DACH1: variants seen among roughly 807,000 people sequenced by gnomAD.
DACH1 encodes the protein dachshund family transcription factor 1.
In DACH1, 12 loss-of-function variants were observed where a neutral mutation model predicts 54.2. The ratio of observed to expected loss-of-function variants is 0.22; its 90% CI spans 0.14 to 0.36. The LOEUF (loss-of-function observed/expected upper bound fraction) is 0.36. Ranked by LOEUF, DACH1 falls within the 10% of genes least tolerant of loss-of-function variation. DACH1 has a pLI of 1.00. For missense variants in DACH1, 805 were observed against 929.8 expected (o/e 0.87, Z 1.75); for synonymous variants, 386 against 366.2 (o/e 1.05, Z -0.62).
chr13:71,800,878 T>TA (rs5804584), intron 1 of DACH1, among the ~76,000 whole-genome samples: 75,982 of 151,346 alleles, frequency 0.5, 20,122 homozygotes, highest in East Asian at 0.86. Flanking sequence ...TCTGCAACAA[T>TA]AAAAAAAATA....
chr13:71,489,178 C>A, intron 6 of DACH1, 30 bp from the exon 7 acceptor site: 1 of 1,601,712 alleles, frequency 6.2e-7, no homozygotes. Context: ...AAATATAGAA[C>A]AAGTTACGCT....
intron 4 of DACH1, among the ~76,000 whole-genome samples, chr13:71,569,515 T>C (rs764626294): frequency 1.3e-5 from 2 of 152,118 alleles, no homozygotes; most frequent in African/African-American, 2.4e-5. Context: ...CATTCTTAAC[T>C]CACAGGCCAT....
At chr13:71,807,737 ATAT>A in intron 1 of DACH1, among the ~76,000 whole-genome samples, 1 of 152,296 alleles carries the variant, frequency 6.6e-6, no homozygotes, top group Middle Eastern at 3.4e-3. Context: ...TACAGTAAAA[ATAT>A]TTTAAAAAAT....
At chr13:71,828,975 A>T (rs1273509239) in intron 1 of DACH1, among the ~76,000 whole-genome samples, 2 of 151,948 alleles carry the variant, frequency 1.3e-5, no homozygotes, top group Admixed American at 1.3e-4. Context: ...CTGTTATCTG[A>T]AGACCAGTAG....
intron 6 of DACH1, among the ~76,000 whole-genome samples, chr13:71,537,091 A>G (rs1198181689): frequency 6.6e-6 from 1 of 151,842 alleles, no homozygotes; most frequent in African/African-American, 2.4e-5. Flanking sequence ...TCACTTCCCT[A>G]CCTCCCTGAA....
intron 1 of DACH1, among the ~76,000 whole-genome samples, chr13:71,851,697 C>T (rs1873678385): frequency 6.6e-6 from 1 of 152,114 alleles, no homozygotes; most frequent in Non-Finnish European, 1.5e-5. Flanking sequence ...CACATTCTAA[C>T]CCCCACCCCA....
rs190901520 is a variant in DACH1 at position 71,709,002 on chromosome 13, G to C, written c.849-27092C>G. On this transcript the variant is annotated intron_variant, in intron 1 of 10. Transcript: ENST00000613252. ...CGAGTAGCTGGGACTACAGGCGCCCGCCACCATGCCCGACTAATTTTTTTG... is the reference window on the plus strand; with the variant it reads ...CGAGTAGCTGGGACTACAGGCGCCCCCCACCATGCCCGACTAATTTTTTTG... Among the ~76,000 whole-genome samples, 3 of 151,740 alleles carry C rather than the reference G, an allele frequency of 2.0e-5. No individual in the cohort carries two copies. The East Asian group carries it at 5.9e-4, about 30-fold the overall frequency.
intron 1 of DACH1, among the ~76,000 whole-genome samples, chr13:71,728,136 C>T (rs1351508236): frequency 3.9e-5 from 6 of 151,908 alleles, no homozygotes; most frequent in Non-Finnish European, 5.9e-5. Flanking sequence ...AATAGAAAAA[C>T]GGGAAAAACT....
chr13:71,552,766 C>CAT (rs369349397), intron 6 of DACH1, among the ~76,000 whole-genome samples: 14,467 of 86,416 alleles, frequency 0.17, 1,674 homozygotes, highest in Non-Finnish European at 0.21. Flanking sequence ...AGTTTTCATG[C>CAT]ATATATATAT....
chr13:71,475,918 G>A, intron 8 of DACH1, 69 bp from the exon 9 acceptor site: 1 of 1,165,146 alleles, frequency 8.6e-7, no homozygotes, highest in Non-Finnish European at 1.1e-6. Flanking sequence ...ATTTCCAAAT[G>A]GTCTATATTT....
chr13:71,798,746 G>A (rs1000204085), intron 1 of DACH1, among the ~76,000 whole-genome samples: 9 of 152,006 alleles, frequency 5.9e-5, no homozygotes, highest in Admixed American at 5.3e-4. Flanking sequence ...CATATTAAAT[G>A]CTTCATGCTT....
rs563907271 is a variant in DACH1 at position 71,837,852 on chromosome 13, T to C, written c.848+28070A>G. On this transcript the variant is annotated intron_variant, in intron 1 of 10. Transcript: ENST00000613252. Reference sequence around the variant, plus strand: ...AAAAATGATGAGTTCATGTCCTTTGTAGGGACATGGATGAAATTGGAAACC... The same window carrying C: ...AAAAATGATGAGTTCATGTCCTTTGCAGGGACATGGATGAAATTGGAAACC... 3.9e-3 allele frequency among the ~76,000 whole-genome samples: 580 copies of C among 150,064 alleles called. 3 individuals are homozygous for C. The highest frequency in any genetic ancestry group is 6.8e-3 in the Middle Eastern group (2 of 294).
At chr13:71,517,574 A>G (rs1350673255) in intron 6 of DACH1, among the ~76,000 whole-genome samples, 1 of 151,888 alleles carries the variant, frequency 6.6e-6, no homozygotes, top group Non-Finnish European at 1.5e-5. Context: ...CATGGATTAA[A>G]TTAACAATAA....
intron 1 of DACH1, among the ~76,000 whole-genome samples, chr13:71,791,630 C>T (rs889502445): frequency 1.1e-4 from 17 of 152,144 alleles, no homozygotes; most frequent in African/African-American, 3.6e-4. Flanking sequence ...GTGATCCACC[C>T]GCCTTGGCCT....
intron 10 of DACH1, among the ~76,000 whole-genome samples, chr13:71,445,096 C>G (rs1874332979): frequency 6.6e-6 from 1 of 152,088 alleles, no homozygotes; most frequent in Admixed American, 6.6e-5. Flanking sequence ...GTGGAAGAGG[C>G]AGCTGCCTCT....
At chr13:71,461,449 A>G (rs1876067306) in intron 10 of DACH1, among the ~76,000 whole-genome samples, 1 of 151,996 alleles carries the variant, frequency 6.6e-6, no homozygotes, top group Admixed American at 6.6e-5. Flanking sequence ...CTCTCTTACT[A>G]TTATCAGAGA....
chr13:71,453,142 C>T (rs1875227328), intron 10 of DACH1, among the ~76,000 whole-genome samples: 2 of 152,088 alleles, frequency 1.3e-5, no homozygotes, highest in Admixed American at 1.3e-4. Context: ...TTACCTTGTC[C>T]TGATTGGGAG....
At chr13:71,646,688 T>C (rs1878294619) in intron 2 of DACH1, among the ~76,000 whole-genome samples, 1 of 152,186 alleles carries the variant, frequency 6.6e-6, no homozygotes, top group Admixed American at 6.5e-5. Flanking sequence ...TTATATACCA[T>C]TTAGTGGAAA....
At chr13:71,741,814 T>A (rs563241725) in intron 1 of DACH1, among the ~76,000 whole-genome samples, 2 of 152,262 alleles carry the variant, frequency 1.3e-5, no homozygotes, top group South Asian at 4.1e-4. Context: ...AGAAGCCACT[T>A]AGTCAAAGAA....
Sources: gnomAD v4.1 joint callset for allele counts (sites outside exome capture counted in the v4.1 genomes callset) on GRCh38, gnomAD v4.1.1 for gene constraint, MANE v1.5 for transcripts, NCBI Gene and HGNC (gene_info 2026-07-23, HGNC 2026-07-21) for gene names.